Variants in ATP13A4 observed in about 807,000 individuals in gnomAD.
The protein encoded by ATP13A4 is probable cation-transporting ATPase 13A4.
A neutral mutation model predicts 142.5 loss-of-function variants in ATP13A4; 114 were observed. The observed-to-expected ratio is 0.80, with a 90% confidence interval of 0.69 to 0.93. ATP13A4 has a LOEUF of 0.93. Among genes scored for constraint, ATP13A4 ranks in the 40% least tolerant of loss-of-function variants. ATP13A4 has a pLI of 0.00. For synonymous variants in ATP13A4, 488 were observed against 514.8 expected, an observed-to-expected ratio of 0.95 and a Z score of 0.70; for missense variants, 1,392 against 1,454.0, an observed-to-expected ratio of 0.96 and a Z score of 0.69.
intron 25 of ATP13A4, among the ~76,000 whole-genome samples, chr3:193,433,022 G>A (rs1377022873): frequency 6.6e-6 from 1 of 152,118 alleles, no homozygotes; most frequent in Non-Finnish European, 1.5e-5. Flanking sequence ...CTTTCATTGA[G>A]TTTTGCCAAA....
At chr3:193,402,889 T>G in intron 29 of ATP13A4, 25 bp from the exon 30 acceptor site, 1 of 1,606,280 alleles carries the variant, frequency 6.2e-7, no homozygotes. Flanking sequence ...AATTACTTTT[T>G]ACAAGCAAGG....
chr3:193,569,401 C>G (rs1724209781), intron 2 of ATP13A4, among the ~76,000 whole-genome samples: 1 of 152,142 alleles, frequency 6.6e-6, no homozygotes, highest in Non-Finnish European at 1.5e-5. Context: ...AACTTAGTAT[C>G]CTGGGTGAGA....
At chr3:193,516,047 T>C (rs1043199778) in intron 1 of ATP13A4, among the ~76,000 whole-genome samples, 1 of 152,250 alleles carries the variant, frequency 6.6e-6, no homozygotes, top group Non-Finnish European at 1.5e-5. Context: ...TGCTATTACT[T>C]GATCACATGT....
chr3:193,570,304 G>C (rs371077261), intron 2 of ATP13A4, among the ~76,000 whole-genome samples: 1 of 152,310 alleles, frequency 6.6e-6, no homozygotes, highest in African/African-American at 2.4e-5. Flanking sequence ...CTGGGCAATA[G>C]ATTGAGACTC....
At chr3:193,494,745 T>C (rs1720132567) in intron 3 of ATP13A4, among the ~76,000 whole-genome samples, 2 of 150,732 alleles carry the variant, frequency 1.3e-5, no homozygotes, top group South Asian at 2.1e-4. Context: ...CCAAAATTAA[T>C]AGAAAGAAGG....
intron 29 of ATP13A4, among the ~76,000 whole-genome samples, chr3:193,404,775 G>C (rs141047534): frequency 6.6e-6 from 1 of 151,990 alleles, no homozygotes; most frequent in African/African-American, 2.4e-5. Flanking sequence ...AAATTACCCC[G>C]TTTCAGGTAT....
intron 10 of ATP13A4, among the ~76,000 whole-genome samples, chr3:193,466,396 T>A (rs1718289066): frequency 6.6e-6 from 1 of 152,230 alleles, no homozygotes; most frequent in South Asian, 2.1e-4. Context: ...TTCCCTCTAC[T>A]TCCAATTTCA....
rs1408128122 is a variant in ATP13A4 at position 193,534,946 on chromosome 3, TAA to T, written c.60+19792_60+19793del. Among the ~76,000 whole-genome samples, 9 of 145,936 alleles carry T rather than the reference TAA, an allele frequency of 6.2e-5. No individual in the cohort carries two copies. The East Asian group carries it at 1.9e-3, about 30-fold the overall frequency. Reference sequence around the variant, plus strand: ...GCATAATAGTCAAATCTGTAAAAAATAAAGACAAAAAAAAAATGTTAAAAGCA... The same window carrying T: ...GCATAATAGTCAAATCTGTAAAAAATAGACAAAAAAAAAATGTTAAAAGCA... On this transcript the variant is annotated intron_variant, in intron 1 of 29. Transcript: ENST00000342695.
intron 2 of ATP13A4, among the ~76,000 whole-genome samples, chr3:193,563,000 T>C (rs1406955205): frequency 6.6e-6 from 1 of 152,190 alleles, no homozygotes; most frequent in Non-Finnish European, 1.5e-5. Flanking sequence ...TGAAATGAGA[T>C]ATAATCCCGT....
intron 14 of ATP13A4, chr3:193,458,841 G>A (rs1717785294): frequency 6.4e-6 from 4 of 621,214 alleles, no homozygotes; most frequent in South Asian, 5.8e-5. Flanking sequence ...GCCAGGCATA[G>A]TGCCAAGGAT....
intron 13 of ATP13A4, among the ~76,000 whole-genome samples, chr3:193,459,841 T>C (rs774133742): frequency 1.3e-5 from 2 of 152,154 alleles, no homozygotes; most frequent in African/African-American, 2.4e-5. Flanking sequence ...GATAAGAACA[T>C]AGTCTCATCT....
intron 13 of ATP13A4, among the ~76,000 whole-genome samples, chr3:193,461,615 T>G (rs1717948902): frequency 6.6e-6 from 1 of 152,252 alleles, no homozygotes; most frequent in Admixed American, 6.5e-5. Context: ...ATTATTAAAC[T>G]ATGTGTAATT....
intron 2 of ATP13A4, 75 bp from the exon 3 acceptor site, chr3:193,502,714 A>G (rs1014975065): frequency 7.1e-7 from 1 of 1,412,706 alleles, no homozygotes; most frequent in African/African-American, 1.4e-5. Flanking sequence ...GAGAAACATC[A>G]TTTTAATATA....
At chr3:193,413,654 GA>G (rs1714894909) in intron 26 of ATP13A4, among the ~76,000 whole-genome samples, 1 of 152,170 alleles carries the variant, frequency 6.6e-6, no homozygotes, top group Admixed American at 6.5e-5. Flanking sequence ...ATGTGGTTGA[GA>G]TAAGGACTGA....
At chr3:193,448,484 C>T (rs899038717) in intron 17 of ATP13A4, among the ~76,000 whole-genome samples, 154 bp from the exon 18 acceptor site, 8 of 152,058 alleles carry the variant, frequency 5.3e-5, no homozygotes, top group African/African-American at 1.9e-4. Context: ...TATAGGTGCC[C>T]ACCACCACGC....
intron 2 of ATP13A4, among the ~76,000 whole-genome samples, chr3:193,510,552 T>C (rs774491738): frequency 1.3e-5 from 2 of 152,204 alleles, no homozygotes; most frequent in Non-Finnish European, 2.9e-5. Context: ...GCTACTGATA[T>C]TGGTTAAAAA....
intron 8 of ATP13A4, among the ~76,000 whole-genome samples, chr3:193,478,781 A>T (rs1161998443): frequency 2.6e-5 from 4 of 152,112 alleles, no homozygotes; most frequent in African/African-American, 9.7e-5. Flanking sequence ...AGCCAGTATC[A>T]CCCTAATACC....
intron 28 of ATP13A4, among the ~76,000 whole-genome samples, chr3:193,408,345 T>G (rs1714605111): frequency 1.3e-5 from 2 of 152,242 alleles, no homozygotes; most frequent in Admixed American, 6.5e-5. Flanking sequence ...ACATCTTAAA[T>G]GTCTATCAAT....
chr3:193,443,137 G>C (rs561437187), intron 18 of ATP13A4, among the ~76,000 whole-genome samples: 1 of 152,240 alleles, frequency 6.6e-6, no homozygotes, highest in East Asian at 1.9e-4. Context: ...AGCTGTTTGG[G>C]CAGTAGAACT....
Sources: allele counts gnomAD v4.1 joint callset (sites outside exome capture counted in the v4.1 genomes callset), GRCh38; gene constraint gnomAD v4.1.1; transcripts MANE v1.5; gene names NCBI Gene and HGNC (gene_info 2026-07-23, HGNC 2026-07-21).